Variants in ZC2HC1B observed in about 807,000 individuals in gnomAD.
ZC2HC1B encodes zinc finger C2HC-type containing 1B, also known as zinc finger C2HC domain-containing protein 1B.
Under a neutral mutation model 31.0 loss-of-function variants are expected in ZC2HC1B, and 36 were observed. The ratio of observed to expected loss-of-function variants is 1.16; its 90% CI spans 0.89 to 1.54. The LOEUF (loss-of-function observed/expected upper bound fraction) is 1.54, where lower values mean the gene tolerates loss of function less well. Ranked by LOEUF, ZC2HC1B falls within the 40% of genes most tolerant of loss-of-function variation. The pLI is 0.00. For synonymous variants in ZC2HC1B, 73 were observed against 88.0 expected (o/e 0.83, Z 0.95); for missense variants, 260 against 268.6 (o/e 0.97, Z 0.22).
intron 1 of ZC2HC1B, among the ~76,000 whole-genome samples, chr6:143,877,660 G>A (rs879482921): frequency 3.3e-5 from 5 of 149,554 alleles, no homozygotes; most frequent in African/African-American, 7.4e-5. Flanking sequence ...TGCTAGAGAC[G>A]TTCTTCAGAT....
chr6:143,930,900 G>A (rs1778111454), intron 6 of ZC2HC1B, among the ~76,000 whole-genome samples: 1 of 152,186 alleles, frequency 6.6e-6, no homozygotes. Flanking sequence ...TTGGTCTACA[G>A]TGATTAAGTC....
Position 143,916,736 on chromosome 6 carries a change from C to T in ZC2HC1B, c.598+13584C>T, listed in dbSNP as rs552882573. ...CACTGGGTTTCAGATTTGTGTGGGGCCTATAGCCCCTTTGTTTGGCCAATG... is the reference window on the plus strand; with the variant it reads ...CACTGGGTTTCAGATTTGTGTGGGGTCTATAGCCCCTTTGTTTGGCCAATG... On this transcript the variant is annotated intron_variant, in intron 6 of 7. Transcript: ENST00000237275. Among the ~76,000 whole-genome samples, 4 of 152,310 alleles carry T rather than the reference C, an allele frequency of 2.6e-5. No homozygotes were observed. In the South Asian group the frequency reaches 6.2e-4, roughly 24 times the overall value.
At chr6:143,912,936 G>A (rs1777877711) in intron 6 of ZC2HC1B, among the ~76,000 whole-genome samples, 2 of 152,244 alleles carry the variant, frequency 1.3e-5, no homozygotes, top group African/African-American at 4.8e-5. Flanking sequence ...GCCCCTGTGG[G>A]TGGGACCTGA....
At position 143,913,074 on chromosome 6, in the gene ZC2HC1B, T is replaced by A. The variant is rs1161941405; in HGVS notation, c.598+9922T>A. Among the ~76,000 whole-genome samples the A allele has an allele frequency of 6.6e-6, 1 of 152,088 alleles. No individual in the cohort carries two copies. Among genetic ancestry groups the A allele is most frequent in the Non-Finnish European group, 1.5e-5 (1 of 67,994 alleles). ...ACTGCCTCTGCCCCTGTCAACTTGGTCTCTCCAAAGCCCACAGTCCAGAAC... is the reference window on the plus strand; with the variant it reads ...ACTGCCTCTGCCCCTGTCAACTTGGACTCTCCAAAGCCCACAGTCCAGAAC... On this transcript the variant is annotated intron_variant, in intron 6 of 7. Coordinates refer to ENST00000237275, the MANE Select transcript of ZC2HC1B (RefSeq NM_001013623.3). The surrounding 1 kb of genome is among the most constrained non-coding windows in gnomAD (Gnocchi z 5.7).
At position 143,905,236 on chromosome 6, in the gene ZC2HC1B, T is replaced by C. The variant is rs1777780043; in HGVS notation, c.598+2084T>C. On this transcript the variant is annotated intron_variant, in intron 6 of 7. Coordinates refer to ENST00000237275, the MANE Select transcript of ZC2HC1B (RefSeq NM_001013623.3). This position sits in a 1 kb window ranked among gnomAD's most constrained non-coding sequence, Gnocchi z 4.2. ...TTCTGTTTATTTATGTCCTCTTTAA[T>C]TTCTTTCAGCAATGTTTTGTAGTTT... 6.6e-6 allele frequency among the ~76,000 whole-genome samples: 1 copy of C among 152,262 alleles called. No homozygotes were observed. Among genetic ancestry groups the C allele is most frequent in the African/African-American group, 2.4e-5 (1 of 41,482 alleles).
chr6:143,906,108 G>A (rs1161808452), intron 6 of ZC2HC1B, among the ~76,000 whole-genome samples: 6 of 152,206 alleles, frequency 3.9e-5, no homozygotes, highest in African/African-American at 1.4e-4. Flanking sequence ...AAGGGTTGGT[G>A]TTAGTTTTTC....
At chr6:143,931,398 T>C (rs151140957) in intron 6 of ZC2HC1B, among the ~76,000 whole-genome samples, 6 of 152,322 alleles carry the variant, frequency 3.9e-5, no homozygotes, top group African/African-American at 1.4e-4. Flanking sequence ...TTGTTTTGCT[T>C]TTTTCATTTC....
At chr6:143,901,424 T>C (rs142026889) in intron 5 of ZC2HC1B, among the ~76,000 whole-genome samples, 3,083 of 151,506 alleles carry the variant, frequency 0.02, 121 homozygotes, top group African/African-American at 0.072. Flanking sequence ...CATGCCTGGC[T>C]ACCTTTTGTA....
At chr6:143,874,557 A>G (rs1777384377) in intron 1 of ZC2HC1B, among the ~76,000 whole-genome samples, 1 of 152,172 alleles carries the variant, frequency 6.6e-6, no homozygotes, top group African/African-American at 2.4e-5. Context: ...GCTGGGGAGG[A>G]CTCAGAATCA....
intron 6 of ZC2HC1B, among the ~76,000 whole-genome samples, chr6:143,926,493 A>G (rs201147503): frequency 1.3e-5 from 2 of 150,584 alleles, no homozygotes; most frequent in African/African-American, 4.9e-5. Flanking sequence ...TATGATTTTG[A>G]TTTTTTTTTT....
chr6:143,930,164 G>A (rs1406107357), intron 6 of ZC2HC1B, among the ~76,000 whole-genome samples: 1 of 151,548 alleles, frequency 6.6e-6, no homozygotes, highest in Non-Finnish European at 1.5e-5. Context: ...TTTGTTTCTT[G>A]ATGTGTAACA....
chr6:143,929,213 G>T (rs1778088583), intron 6 of ZC2HC1B, among the ~76,000 whole-genome samples: 1 of 152,102 alleles, frequency 6.6e-6, no homozygotes, highest in Admixed American at 6.5e-5. Context: ...TGTGTTATTG[G>T]CTGTGGGTTT....
intron 1 of ZC2HC1B, among the ~76,000 whole-genome samples, chr6:143,878,417 G>A (rs956295851): frequency 6.6e-6 from 1 of 150,536 alleles, no homozygotes; most frequent in Non-Finnish European, 1.5e-5. Flanking sequence ...GGCAGAGGTT[G>A]CAGTGTGCCA....
At chr6:143,928,824 G>GTTTTTTTTTTTTTTTTTTTT in intron 6 of ZC2HC1B, among the ~76,000 whole-genome samples, 1 of 142,310 alleles carries the variant, frequency 7.0e-6, no homozygotes, top group Non-Finnish European at 1.5e-5. Flanking sequence ...TATTCCTAGG[G>GTTTTTTTTTTTTTTTTTTTT]TTTTTTTTTT....
rs1427416159 is a variant in ZC2HC1B, at chr6:143,911,442, A to C, written c.598+8290A>C. Among the ~76,000 whole-genome samples the C allele has an allele frequency of 6.6e-6, 1 of 151,904 alleles. No individual in the cohort carries two copies. The highest frequency in any genetic ancestry group is 1.5e-5 in the Non-Finnish European group (1 of 68,020). Reference sequence around the variant, plus strand: ...TTCCATACTTAGTGCTTCCTTCAGGAGCTCTTGCAAGGCAGGTCTGGTGGT... The same window carrying C: ...TTCCATACTTAGTGCTTCCTTCAGGCGCTCTTGCAAGGCAGGTCTGGTGGT... On this transcript the variant is annotated intron_variant, in intron 6 of 7. Coordinates refer to ENST00000237275, the MANE Select transcript of ZC2HC1B (RefSeq NM_001013623.3). The surrounding 1 kb of genome is among the most constrained non-coding windows in gnomAD (Gnocchi z 4.5).
rs568462283 is a variant in ZC2HC1B, at chr6:143,868,758, T to C, written c.28+4191T>C. 2.6e-5 allele frequency among the ~76,000 whole-genome samples: 4 copies of C among 152,320 alleles called. No individual in the cohort carries two copies. Among genetic ancestry groups the C allele is most frequent in the African/African-American group, 9.6e-5 (4 of 41,582 alleles). On this transcript the variant is annotated intron_variant, in intron 1 of 7. Transcript: ENST00000237275. This position sits in a 1 kb window ranked among gnomAD's most constrained non-coding sequence, Gnocchi z 4.2. ...AAAGACAATAATAAGGTCATAATTA[T>C]GCCTAACGTAATACAACTATCCTTA...
chr6:143,917,172 C>G lies in ZC2HC1B; in HGVS notation c.598+14020C>G, dbSNP rs1777929529. 6.6e-6 allele frequency among the ~76,000 whole-genome samples: 1 copy of G among 152,134 alleles called. No homozygotes were observed. Among genetic ancestry groups the G allele is most frequent in the South Asian group, 2.1e-4 (1 of 4,822 alleles). ...TCTGACGACTTTAAAAAGAGGAGCTCCCCTGCACAAGCTCTCTGTTCTCTT... is the reference window on the plus strand; with the variant it reads ...TCTGACGACTTTAAAAAGAGGAGCTGCCCTGCACAAGCTCTCTGTTCTCTT... On this transcript the variant is annotated intron_variant, in intron 6 of 7. Coordinates refer to ENST00000237275, the MANE Select transcript of ZC2HC1B (RefSeq NM_001013623.3). The surrounding 1 kb of genome is among the most constrained non-coding windows in gnomAD (Gnocchi z 4.1).
intron 1 of ZC2HC1B, among the ~76,000 whole-genome samples, chr6:143,866,939 G>T (rs116706892): frequency 1.3e-5 from 2 of 152,288 alleles, no homozygotes; most frequent in African/African-American, 4.8e-5. Context: ...GTATCCAGCT[G>T]TCATAGAAGT....
At chr6:143,920,632 T>C (rs1777975570) in intron 6 of ZC2HC1B, among the ~76,000 whole-genome samples, 1 of 152,224 alleles carries the variant, frequency 6.6e-6, no homozygotes, top group Non-Finnish European at 1.5e-5. Context: ...TTGACACGGC[T>C]GGGCGTGGTG....
Sources: gnomAD v4.1 joint callset for allele counts (sites outside exome capture counted in the v4.1 genomes callset) on GRCh38, gnomAD v4.1.1 for gene constraint, Gnocchi (gnomAD v3.1) non-coding constraint, MANE v1.5 for transcripts, NCBI Gene and HGNC (gene_info 2026-07-23, HGNC 2026-07-21) for gene names.